The following ANLN variants were observed in gnomAD, a reference collection of about 807,000 sequenced individuals.
ANLN encodes the protein anillin, actin binding protein.
ANLN carries 59 observed loss-of-function variants against 135.1 expected under a neutral mutation model. The observed-to-expected ratio is 0.44, with a 90% confidence interval of 0.35 to 0.54. The LOEUF (loss-of-function observed/expected upper bound fraction) is 0.54. Among genes scored for constraint, ANLN ranks in the 20% least tolerant of loss-of-function variants. The pLI is 0.00. For missense variants in ANLN, 1,182 were observed against 1,340.0 expected (o/e 0.88, Z 1.84); for synonymous variants, 406 against 456.4 (o/e 0.89, Z 1.41).
chr7:36,412,016 GTC>G (rs1275389164), intron 7 of ANLN, among the ~76,000 whole-genome samples: 1 of 152,000 alleles, frequency 6.6e-6, no homozygotes, highest in Non-Finnish European at 1.5e-5. Flanking sequence ...TCCCCTTGTA[GTC>G]TCTGTCTTCT....
chr7:36,401,588 C>T (rs370740134), intron 3 of ANLN, among the ~76,000 whole-genome samples: 28 of 136,434 alleles, frequency 2.1e-4, no homozygotes, highest in Middle Eastern at 3.6e-3. Flanking sequence ...ATCCGCCTGC[C>T]GCGGCCTCCC....
intron 3 of ANLN, chr7:36,403,615 G>A (rs904126499): frequency 6.6e-6 from 1 of 152,132 alleles, no homozygotes; most frequent in Non-Finnish European, 1.5e-5. Context: ...AGGGAAAGAG[G>A]GGCGGTAGTT....
At chr7:36,428,780 T>TC (rs1443746011) in intron 20 of ANLN, among the ~76,000 whole-genome samples, 1 of 92,568 alleles carries the variant, frequency 1.1e-5, no homozygotes, top group Non-Finnish European at 2.4e-5. Flanking sequence ...AAGCAGATTT[T>TC]TTTTTTTTTT....
intron 22 of ANLN, among the ~76,000 whole-genome samples, chr7:36,447,025 T>C (rs900221965): frequency 6.6e-6 from 1 of 152,168 alleles, no homozygotes; most frequent in Non-Finnish European, 1.5e-5. Context: ...CATGAAACCA[T>C]AGATAAGTAC....
intron 1 of ANLN, chr7:36,390,447 C>G (rs1046741571): frequency 1.3e-5 from 3 of 228,794 alleles, no homozygotes; most frequent in Non-Finnish European, 2.6e-5. Flanking sequence ...GTGCGGCTGC[C>G]GCCGGGAAAG....
At chr7:36,410,803 G>T in intron 6 of ANLN, 99 bp downstream of exon 6, 1 of 1,261,786 alleles carries the variant, frequency 7.9e-7, no homozygotes, top group Non-Finnish European at 1.1e-6. Context: ...ACTGAGATAA[G>T]TAGCATCTTG....
At chr7:36,394,482 C>T (rs1035352178) in intron 1 of ANLN, among the ~76,000 whole-genome samples, 6 of 152,090 alleles carry the variant, frequency 3.9e-5, no homozygotes, top group Admixed American at 3.9e-4. Context: ...AAACAATATG[C>T]TTATTCTTGA....
At chr7:36,408,494 C>A (rs1272163166) in intron 5 of ANLN, among the ~76,000 whole-genome samples, 1 of 152,094 alleles carries the variant, frequency 6.6e-6, no homozygotes, top group African/African-American at 2.4e-5. Flanking sequence ...CATTTGATAA[C>A]TTAATACATT....
rs548645795 is a variant in ANLN, at chr7:36,424,390, A to G, written c.2604-155A>G. Among the ~76,000 whole-genome samples the G allele has an allele frequency of 5.9e-5, 9 of 152,304 alleles. No homozygotes were observed. The South Asian group carries it at 1.2e-3, about 21-fold the overall frequency. On this transcript the variant is annotated intron_variant, in intron 15 of 23. Transcript: ENST00000265748. Reference sequence around the variant, plus strand: ...GAGGAAAATATTTTGGACTTGCATTATAGGGAAAAAATAGACTTCTTAACA... The same window carrying G: ...GAGGAAAATATTTTGGACTTGCATTGTAGGGAAAAAATAGACTTCTTAACA...
At chr7:36,407,710 AC>A in intron 4 of ANLN, 23 bp from the exon 5 acceptor site, 1 of 1,533,854 alleles carries the variant, frequency 6.5e-7, no homozygotes. Flanking sequence ...AATGTTGTTT[AC>A]CCTAAGTGTT....
chr7:36,391,386 A>G (rs1583583761), intron 1 of ANLN, among the ~76,000 whole-genome samples: 1 of 152,366 alleles, frequency 6.6e-6, no homozygotes, highest in East Asian at 1.9e-4. Flanking sequence ...TGAAAATTGC[A>G]CTTCATTTTA....
intron 5 of ANLN, among the ~76,000 whole-genome samples, chr7:36,409,493 T>C (rs1352652021): frequency 6.6e-6 from 1 of 152,216 alleles, no homozygotes; most frequent in Non-Finnish European, 1.5e-5. Context: ...TCAAAATATT[T>C]AGTGCCTGGC....
At chr7:36,391,520 A>T (rs1786461788) in intron 1 of ANLN, among the ~76,000 whole-genome samples, 1 of 152,234 alleles carries the variant, frequency 6.6e-6, no homozygotes, top group Non-Finnish European at 1.5e-5. Flanking sequence ...GATCACTTGC[A>T]GTTGGAAAAA....
chr7:36,424,799 A>T, intron 17 of ANLN, 57 bp downstream of exon 17: 1 of 1,513,488 alleles, frequency 6.6e-7, no homozygotes, highest in Non-Finnish European at 9.0e-7. Context: ...AGATATCATC[A>T]TACCAGTTTT....
At chr7:36,443,129 C>T (rs182317191) in intron 21 of ANLN, among the ~76,000 whole-genome samples, 27 of 152,320 alleles carry the variant, frequency 1.8e-4, no homozygotes, top group African/African-American at 4.3e-4. Context: ...TCCAGCACTA[C>T]TGCCTTGCCT....
chr7:36,444,815 T>C (rs1312766934), intron 22 of ANLN, among the ~76,000 whole-genome samples: 4 of 152,104 alleles, frequency 2.6e-5, no homozygotes, highest in African/African-American at 9.6e-5. Context: ...CTTTTTATAA[T>C]CTGATTTTTT....
Position 36,419,476 on chromosome 7 carries a change from A to G in ANLN, c.1866A>G (p.Pro622=). The G allele has an allele frequency of 1.2e-6, 2 of 1,612,810 alleles. No homozygotes were observed. Among genetic ancestry groups the G allele is most frequent in the Non-Finnish European group, 1.7e-6 (2 of 1,179,808 alleles). ...PLAQTVGVVS[P]ESLVSTPRLE... ...CACAAACAGTTGGTGTGGTAAGTCC[A>G]GAGGTAAGAAAAGGCTAACTAAACA... is the stretch of plus-strand genomic sequence containing the variant. The change falls in exon 10 of 24, where the codon CCA becomes CCG. Residue 622 remains proline, a synonymous_variant. Coordinates refer to ENST00000265748, the MANE Select transcript of ANLN (RefSeq NM_018685.5).
chr7:36,406,140 C>A, intron 3 of ANLN, 41 bp from the exon 4 acceptor site: 1 of 1,547,096 alleles, frequency 6.5e-7, no homozygotes, highest in Admixed American at 1.9e-5. Context: ...AAGCATTACT[C>A]TTAAACATGG....
chr7:36,420,365 T>C (rs762568002), intron 11 of ANLN, 51 bp downstream of exon 11: 17 of 1,578,596 alleles, frequency 1.1e-5, no homozygotes, highest in Non-Finnish European at 1.3e-5. Context: ...TGGTTTAGAT[T>C]GACATAAGTC....
Sources: allele counts gnomAD v4.1 joint callset (sites outside exome capture counted in the v4.1 genomes callset), GRCh38; gene constraint gnomAD v4.1.1; transcripts MANE v1.5; gene names NCBI Gene and HGNC (gene_info 2026-07-23, HGNC 2026-07-21).